The following HCN1 variants were observed in gnomAD, a reference collection of about 807,000 sequenced individuals.
HCN1 encodes hyperpolarization activated cyclic nucleotide gated potassium channel 1.
Under a neutral mutation model 78.9 loss-of-function variants are expected in HCN1, and 13 were observed. The observed-to-expected ratio is 0.16, with a 90% CI of 0.11 to 0.26. The LOEUF (loss-of-function observed/expected upper bound fraction) is 0.26. Among genes scored for constraint, HCN1 ranks in the 10% least tolerant of loss-of-function variants. The pLI is 1.00. For missense variants in HCN1, 810 were observed against 1,154.3 expected, an observed-to-expected ratio of 0.70 and a Z score of 4.32; for synonymous variants, 552 against 455.5, an observed-to-expected ratio of 1.21 and a Z score of -2.70.
intron 5 of HCN1, among the ~76,000 whole-genome samples, chr5:45,350,974 C>T (rs893634506): frequency 5.9e-5 from 9 of 152,070 alleles, no homozygotes; most frequent in Non-Finnish European, 1.2e-4. Flanking sequence ...AGATTCAATG[C>T]CATCCCCATC....
At chr5:45,562,459 C>A (rs1743624355) in intron 2 of HCN1, among the ~76,000 whole-genome samples, 1 of 151,964 alleles carries the variant, frequency 6.6e-6, no homozygotes, top group Non-Finnish European at 1.5e-5. Context: ...ATCACTTGAG[C>A]CCAGCAATTT....
chr5:45,577,123 T>C (rs978552411), intron 2 of HCN1, among the ~76,000 whole-genome samples: 3 of 152,234 alleles, frequency 2.0e-5, no homozygotes, highest in East Asian at 1.9e-4. Flanking sequence ...ATTTAATCAA[T>C]AAATATTATT....
At chr5:45,552,158 T>C (rs531761377) in intron 2 of HCN1, among the ~76,000 whole-genome samples, 1 of 152,066 alleles carries the variant, frequency 6.6e-6, no homozygotes, top group East Asian at 1.9e-4. Flanking sequence ...AGCTGGTCTA[T>C]AAATAACATC....
chr5:45,692,146 C>T (rs896966194), intron 1 of HCN1, among the ~76,000 whole-genome samples: 1 of 152,084 alleles, frequency 6.6e-6, no homozygotes, highest in Non-Finnish European at 1.5e-5. Flanking sequence ...TAAATTCTTC[C>T]AAGATAAATT....
At chr5:45,572,584 T>C (rs529336476) in intron 2 of HCN1, among the ~76,000 whole-genome samples, 8 of 152,290 alleles carry the variant, frequency 5.3e-5, no homozygotes, top group Admixed American at 6.5e-5. Flanking sequence ...ATAGCCAAGA[T>C]TGAGAGTGAT....
chr5:45,614,988 A>T (rs1398892443), intron 2 of HCN1, among the ~76,000 whole-genome samples: 1 of 151,884 alleles, frequency 6.6e-6, no homozygotes, highest in Non-Finnish European at 1.5e-5. Context: ...AAAAAAACGT[A>T]ATTCAACTTC....
chr5:45,345,709 C>T (rs770581095), intron 5 of HCN1, among the ~76,000 whole-genome samples: 2 of 152,178 alleles, frequency 1.3e-5, no homozygotes, highest in African/African-American at 2.4e-5. Flanking sequence ...ATAGCACTTT[C>T]AGCATTTTGG....
chr5:45,686,606 C>G (rs183933193), intron 1 of HCN1, among the ~76,000 whole-genome samples: 4 of 151,800 alleles, frequency 2.6e-5, no homozygotes, highest in East Asian at 1.9e-4. Flanking sequence ...ATTCTTTTCC[C>G]TTTTTTAGAC....
intron 5 of HCN1, among the ~76,000 whole-genome samples, chr5:45,315,450 C>T (rs756918977): frequency 4.3e-4 from 65 of 152,070 alleles, no homozygotes; most frequent in Non-Finnish European, 6.8e-4. Context: ...TAAATGCCCA[C>T]AAGAGAAAGC....
At chr5:45,609,116 T>C (rs1321526684) in intron 2 of HCN1, among the ~76,000 whole-genome samples, 1 of 152,060 alleles carries the variant, frequency 6.6e-6, no homozygotes, top group African/African-American at 2.4e-5. Context: ...CTCTCTCTCC[T>C]CTGCTGATGG....
chr5:45,326,248 C>G (rs1006590826), intron 5 of HCN1, among the ~76,000 whole-genome samples: 1 of 151,556 alleles, frequency 6.6e-6, no homozygotes, highest in African/African-American at 2.4e-5. Flanking sequence ...AAAAAATAAA[C>G]AACTGAAAAT....
chr5:45,292,295 C>G (rs538635286), intron 6 of HCN1, among the ~76,000 whole-genome samples: 1 of 151,930 alleles, frequency 6.6e-6, no homozygotes, highest in South Asian at 2.1e-4. Flanking sequence ...ACATTTAATT[C>G]AATTTAAAAT....
chr5:45,497,664 A>C (rs1742074755), intron 2 of HCN1, among the ~76,000 whole-genome samples: 1 of 152,072 alleles, frequency 6.6e-6, no homozygotes, highest in African/African-American at 2.4e-5. Flanking sequence ...CCAATTCGCC[A>C]GTCTGTGTCT....
At chr5:45,311,228 C>T (rs973911694) in intron 5 of HCN1, among the ~76,000 whole-genome samples, 7 of 152,070 alleles carry the variant, frequency 4.6e-5, no homozygotes, top group Non-Finnish European at 1.0e-4. Context: ...ATTTATTAAA[C>T]ACACCAAAAG....
chr5:45,611,964 T>C (rs919099631), intron 2 of HCN1, among the ~76,000 whole-genome samples: 1 of 152,130 alleles, frequency 6.6e-6, no homozygotes, highest in Admixed American at 6.6e-5. Flanking sequence ...TAAATATGTA[T>C]GTTGCCCAAA....
chr5:45,374,541 T>C (rs1331951937), intron 4 of HCN1, among the ~76,000 whole-genome samples: 3 of 149,798 alleles, frequency 2.0e-5, no homozygotes, highest in Non-Finnish European at 3.0e-5. Flanking sequence ...CAGGACCAGA[T>C]GGATTCACAG....
chr5:45,474,053 C>A (rs1003876042), intron 2 of HCN1, among the ~76,000 whole-genome samples: 1 of 151,780 alleles, frequency 6.6e-6, no homozygotes, highest in African/African-American at 2.4e-5. Flanking sequence ...TGAGTATCCT[C>A]AAAATGTTCA....
intron 1 of HCN1, among the ~76,000 whole-genome samples, chr5:45,647,311 A>T (rs1001229646): frequency 6.6e-6 from 1 of 152,166 alleles, no homozygotes; most frequent in African/African-American, 2.4e-5. Context: ...AGGACAGAGG[A>T]GAGATGTAGA....
At chr5:45,426,898 G>C (rs1017507057) in intron 3 of HCN1, among the ~76,000 whole-genome samples, 1 of 152,042 alleles carries the variant, frequency 6.6e-6, no homozygotes, top group African/African-American at 2.4e-5. Context: ...ATCTGAATTT[G>C]TAATAAAATT....
Sources: gnomAD v4.1 joint callset for allele counts (sites outside exome capture counted in the v4.1 genomes callset) on GRCh38, gnomAD v4.1.1 for gene constraint, MANE v1.5 for transcripts, NCBI Gene and HGNC (gene_info 2026-07-23, HGNC 2026-07-21) for gene names.